MCM9: variants seen among roughly 807,000 people sequenced by gnomAD.
MCM9 encodes the protein minichromosome maintenance 9 homologous recombination repair factor, also known as DNA helicase MCM9.
In MCM9, 55 loss-of-function variants were observed where a neutral mutation model predicts 72.8. The ratio of observed to expected loss-of-function variants is 0.76; its 90% CI spans 0.61 to 0.95. MCM9 has a LOEUF of 0.95. Among genes scored for constraint, MCM9 ranks in the 40% least tolerant of loss-of-function variants. The probability of loss-of-function intolerance (pLI) is 0.00; values close to 1 mark genes in which losing one functional copy is unlikely to be tolerated. For missense variants in MCM9, 1,279 were observed against 1,377.0 expected, an observed-to-expected ratio of 0.93 and a Z score of 1.13; for synonymous variants, 480 against 503.4, an observed-to-expected ratio of 0.95 and a Z score of 0.62.
At chr6:118,905,747 TAG>T (rs760299709) in intron 8 of MCM9, 1 of 1,613,496 alleles carries the variant, frequency 6.2e-7, no homozygotes, top group Non-Finnish European at 8.5e-7. Context: ...AAGAATTTAT[TAG>T]AGTTGGCTAT....
chr6:118,843,785 C>T lies in MCM9; in HGVS notation c.1325+12586G>A, dbSNP rs192444949. 9.4e-3 allele frequency among the ~76,000 whole-genome samples: 1,359 copies of T among 144,278 alleles called. 78 individuals are homozygous for T. The highest frequency in any genetic ancestry group is 0.089 in the Admixed American group (1,260 of 14,158). 94.7% of individuals were successfully genotyped at this position (144,278 alleles called of 152,430 possible). On this transcript the variant is annotated intron_variant, in intron 9 of 13. Coordinates refer to ENST00000619706, the MANE Select transcript of MCM9 (RefSeq NM_017696.3). ...TTGGAGACCAGTCAGATATTCTGAT[C>T]CGGCGGTTTGCATTAAAGGGAAATG...
At chr6:118,849,563 A>C (rs1369336046) in intron 9 of MCM9, among the ~76,000 whole-genome samples, 3 of 151,758 alleles carry the variant, frequency 2.0e-5, no homozygotes, top group Non-Finnish European at 4.4e-5. Context: ...AAACCTCATG[A>C]AGTTCCTTAA....
intron 6 of MCM9, among the ~76,000 whole-genome samples, chr6:118,914,426 CT>C (rs1780779341): frequency 6.6e-6 from 1 of 152,116 alleles, no homozygotes; most frequent in African/African-American, 2.4e-5. Context: ...ACAAAGGCTA[CT>C]TTTTGTAATG....
intron 9 of MCM9, among the ~76,000 whole-genome samples, chr6:118,849,198 T>C (rs985916749): frequency 6.6e-6 from 1 of 151,762 alleles, no homozygotes; most frequent in African/African-American, 2.4e-5. Context: ...GTGATCCTGA[T>C]ATAGGCAAGG....
chr6:118,838,092 A>C (rs1394794689), intron 9 of MCM9, among the ~76,000 whole-genome samples: 5 of 151,806 alleles, frequency 3.3e-5, no homozygotes, highest in African/African-American at 9.7e-5. Flanking sequence ...TTGTCTATAA[A>C]GGATTTTATT....
chr6:118,816,031 A>G lies in MCM9; in HGVS notation c.2225T>C (p.Leu742Ser). Residue 742 changes from leucine to serine, a missense_variant, in exon 14 of 14, where the codon TTA becomes TCA. Transcript: ENST00000619706. ...AQHKNNRDDS[L>S]DWFDFMATHQ... ...AGTTGCCATGAAATCAAACCAATCT[A>G]AACTGTCATCTCTGTTATTTTTGTG... The G allele has an allele frequency of 1.3e-6, 2 of 1,550,524 alleles. No homozygotes were observed. Among genetic ancestry groups the G allele is most frequent in the South Asian group, 1.2e-5 (1 of 84,052 alleles).
At chr6:118,884,381 T>C (rs1562422712) in intron 8 of MCM9, among the ~76,000 whole-genome samples, 1 of 151,906 alleles carries the variant, frequency 6.6e-6, no homozygotes, top group East Asian at 1.9e-4. Flanking sequence ...CACTGATACA[T>C]TAAGTAAGCC....
chr6:118,886,880 G>A (rs1239894148), intron 8 of MCM9, among the ~76,000 whole-genome samples: 2 of 152,188 alleles, frequency 1.3e-5, no homozygotes, highest in Middle Eastern at 3.4e-3. Context: ...TTGGGGGATC[G>A]CCTGAGCCCA....
intron 9 of MCM9, among the ~76,000 whole-genome samples, chr6:118,853,975 A>G (rs1311402391): frequency 6.6e-6 from 1 of 152,184 alleles, no homozygotes; most frequent in Non-Finnish European, 1.5e-5. Context: ...AGATTTTGCT[A>G]AATTTATCCT....
chr6:118,841,745 G>A (rs1187198865), intron 9 of MCM9, among the ~76,000 whole-genome samples: 1 of 151,772 alleles, frequency 6.6e-6, no homozygotes, highest in Admixed American at 6.6e-5. Context: ...TTATCTTTTC[G>A]TCTTTAAGGT....
intron 4 of MCM9, among the ~76,000 whole-genome samples, 188 bp from the exon 5 acceptor site, chr6:118,922,274 T>C (rs1053296092): frequency 3.3e-5 from 5 of 152,202 alleles, no homozygotes; most frequent in Non-Finnish European, 7.4e-5. Flanking sequence ...CTAAATAAAA[T>C]ACACATATGG....
intron 8 of MCM9, among the ~76,000 whole-genome samples, chr6:118,860,066 T>A (rs1160154025): frequency 1.3e-5 from 2 of 152,186 alleles, no homozygotes; most frequent in African/African-American, 4.8e-5. Context: ...TCCTAGTACA[T>A]CATGTCTACC....
At chr6:118,824,346 T>C (rs1288494405) in intron 13 of MCM9, among the ~76,000 whole-genome samples, 1 of 129,556 alleles carries the variant, frequency 7.7e-6, no homozygotes, top group African/African-American at 3.4e-5. Flanking sequence ...TTAGTCTTTC[T>C]TTTTTTTTCA....
At position 118,867,879 on chromosome 6, in the gene MCM9, C is replaced by CTTTTTTTTTTTTTTTTTTTTTTT. The variant is rs1554258631; in HGVS notation, c.1151-11335_1151-11334insAAAAAAAAAAAAAAAAAAAAAAA. Among the ~76,000 whole-genome samples the CTTTTTTTTTTTTTTTTTTTTTTT allele has an allele frequency of 2.2e-5, 3 of 137,486 alleles. 1 individual carries two copies. The highest frequency in any genetic ancestry group is 3.1e-5 in the Non-Finnish European group (2 of 64,496). The allele number at this position is 137,486 out of a possible 152,430, so 90.2% of individuals were successfully genotyped here. A position where few individuals can be genotyped will look rare whatever the true frequency, so the allele number is the denominator to read the frequency against. ...TTAATTATATTTCTTTTTTCTTTTT[C>CTTTTTTTTTTTTTTTTTTTTTTT]TTTTTCTTTTTTTTTGAGATGAAGT... is the stretch of plus-strand genomic sequence containing the variant. On this transcript the variant is annotated intron_variant, in intron 8 of 13. Coordinates refer to ENST00000619706, the MANE Select transcript of MCM9 (RefSeq NM_017696.3).
chr6:118,818,961 C>T (rs1050482686), intron 13 of MCM9, among the ~76,000 whole-genome samples: 14 of 152,174 alleles, frequency 9.2e-5, no homozygotes, highest in African/African-American at 3.4e-4. Context: ...GATTGGTGCA[C>T]ATTGATTTTG....
At chr6:118,857,326 T>TA (rs969428730) in intron 8 of MCM9, among the ~76,000 whole-genome samples, 2 of 152,172 alleles carry the variant, frequency 1.3e-5, no homozygotes, top group Admixed American at 1.3e-4. Context: ...TGTTGATTTT[T>TA]ATTTGTCCTG....
chr6:118,899,814 C>T (rs1240378859), intron 8 of MCM9, among the ~76,000 whole-genome samples: 1 of 152,222 alleles, frequency 6.6e-6, no homozygotes, highest in Non-Finnish European at 1.5e-5. Flanking sequence ...CAGAAACTCA[C>T]CCTTTGGGAG....
At position 118,843,061 on chromosome 6, in the gene MCM9, G is replaced by A. The variant is rs141585392; in HGVS notation, c.1325+13310C>T. Among the ~76,000 whole-genome samples, 1,146 of 152,296 alleles carry A rather than the reference G, an allele frequency of 7.5e-3. 8 individuals carry two copies. The highest frequency in any genetic ancestry group is 0.029 in the South Asian group (138 of 4,824). On this transcript the variant is annotated intron_variant, in intron 9 of 13. Transcript: ENST00000619706. The stretch of plus-strand genomic sequence containing the variant: ...ATTTAGTAGGCTCTAGGCATCCTAA[G>A]TGTTTTACCATTTTTTCTATTTTGA...
chr6:118,922,160 G>T, intron 4 of MCM9, 74 bp from the exon 5 acceptor site: 1 of 1,079,548 alleles, frequency 9.3e-7, no homozygotes, highest in Non-Finnish European at 1.3e-6. Context: ...AGCAGTACTT[G>T]AAATTACTAT....
Sources: allele counts gnomAD v4.1 joint callset (sites outside exome capture counted in the v4.1 genomes callset), GRCh38; gene constraint gnomAD v4.1.1; transcripts MANE v1.5; gene names NCBI Gene and HGNC (gene_info 2026-07-23, HGNC 2026-07-21).